Variants in MACROH2A2 observed in about 807,000 individuals in gnomAD.
The protein encoded by MACROH2A2 is core histone macro-H2A.2.
MACROH2A2 carries 6 observed loss-of-function variants against 37.6 expected under a neutral mutation model. That is an observed-to-expected ratio of 0.16 (90% CI 0.09 to 0.32). The LOEUF is 0.32. MACROH2A2 is among the 10% of genes least tolerant of loss of function. The probability of loss-of-function intolerance (pLI) is 1.00; values close to 1 mark genes in which losing one functional copy is unlikely to be tolerated. For missense variants in MACROH2A2, 290 were observed against 485.9 expected, an observed-to-expected ratio of 0.60 and a Z score of 3.79; for synonymous variants, 192 against 202.7, an observed-to-expected ratio of 0.95 and a Z score of 0.45.
intron 4 of MACROH2A2, among the ~76,000 whole-genome samples, 159 bp downstream of exon 4, chr10:70,092,113 C>T (rs565049693): frequency 3.9e-5 from 6 of 152,258 alleles, no homozygotes; most frequent in East Asian, 1.9e-4. Flanking sequence ...CGAGTCCTCA[C>T]GAATGGGAAC....
At chr10:70,098,069 C>T (rs1390179471) in intron 6 of MACROH2A2, among the ~76,000 whole-genome samples, 1 of 152,006 alleles carries the variant, frequency 6.6e-6, no homozygotes, top group South Asian at 2.1e-4. Context: ...GGCAAAACCC[C>T]ATCTCTACAA....
chr10:70,083,856 T>C (rs1017003386), intron 2 of MACROH2A2, among the ~76,000 whole-genome samples: 4 of 150,576 alleles, frequency 2.7e-5, no homozygotes, highest in African/African-American at 9.8e-5. Flanking sequence ...TCTTGATCTG[T>C]GGAATTGTGA....
chr10:70,058,445 C>CT (rs2072029847), intron 1 of MACROH2A2, among the ~76,000 whole-genome samples: 1 of 152,168 alleles, frequency 6.6e-6, no homozygotes. Flanking sequence ...TTTATTCACT[C>CT]AAAGTTACAA....
chr10:70,055,080 C>T (rs1022137341), intron 1 of MACROH2A2, among the ~76,000 whole-genome samples: 12 of 152,224 alleles, frequency 7.9e-5, no homozygotes, highest in Admixed American at 7.8e-4. Context: ...TTTTAAAGCG[C>T]CTCTGGTCTG....
chr10:70,052,897 G>A lies in MACROH2A2; in HGVS notation c.-163G>A, dbSNP rs1034104055. On this transcript the variant is annotated 5_prime_UTR_variant, in exon 1 of 9. Coordinates refer to ENST00000373255, the MANE Select transcript of MACROH2A2 (RefSeq NM_018649.3). ...CACGCACAGATAGAACCCAAAGAAA[G>A]GCAAAGAGTCCTGCCCGGCACCGGC... is the stretch of plus-strand genomic sequence containing the variant. 3 of 152,774 alleles carry A rather than the reference G, an allele frequency of 2.0e-5. No individual in the cohort carries two copies. Among genetic ancestry groups the A allele is most frequent in the African/African-American group, 7.2e-5 (3 of 41,470 alleles). 9.5% of individuals were successfully genotyped at this position (152,774 alleles called of 1,614,324 possible).
At chr10:70,089,765 A>G (rs561697522) in intron 2 of MACROH2A2, among the ~76,000 whole-genome samples, 2 of 149,976 alleles carry the variant, frequency 1.3e-5, no homozygotes, top group Admixed American at 6.7e-5. Flanking sequence ...ATTTTTTTAA[A>G]TTTTTTTTTT....
rs368550712 is a variant in MACROH2A2, at chr10:70,053,213, G to C, written c.-60+213G>C. 1.8e-4 allele frequency among the ~76,000 whole-genome samples: 28 copies of C among 152,362 alleles called. 1 individual carries two copies. In the East Asian group the frequency reaches 3.9e-3, roughly 21 times the overall value. On this transcript the variant is annotated intron_variant, in intron 1 of 8. Coordinates refer to ENST00000373255, the MANE Select transcript of MACROH2A2 (RefSeq NM_018649.3). This position sits in a 1 kb window ranked among gnomAD's most constrained non-coding sequence, Gnocchi z 4.8. ...TGCTTCCTTGGGCGATAAAGGGGGG[G>C]CTGCTAAAGAAGTGGTCAAATTCCT... is the stretch of plus-strand genomic sequence containing the variant.
rs988174207 is a variant in MACROH2A2, at chr10:70,107,174, C to T, written c.779-1859C>T. On this transcript the variant is annotated intron_variant, in intron 7 of 8. Transcript: ENST00000373255. The surrounding 1 kb of genome is among the most constrained non-coding windows in gnomAD (Gnocchi z 4.4). ...ACTCAGGCGTTCACGTGTGATGACA[C>T]TGAGCCCCGTCTAGGCACTGGAAGG... Among the ~76,000 whole-genome samples the T allele has an allele frequency of 6.6e-6, 1 of 152,208 alleles. No individual in the cohort carries two copies. The highest frequency in any genetic ancestry group is 2.4e-5 in the African/African-American group (1 of 41,446).
At chr10:70,100,796 TAGTAG>T (rs2072302605) in intron 7 of MACROH2A2, among the ~76,000 whole-genome samples, 1 of 152,114 alleles carries the variant, frequency 6.6e-6, no homozygotes, top group Non-Finnish European at 1.5e-5. Context: ...TTTGTATTTT[TAGTAG>T]AGATGGGGTT....
At chr10:70,098,316 GAGAA>G (rs1399185253) in intron 6 of MACROH2A2, 3 of 121,146 alleles carry the variant, frequency 2.5e-5, no homozygotes, top group Non-Finnish European at 5.3e-5. Flanking sequence ...AAGAAAAAGA[GAGAA>G]AGAGAGAGGC....
chr10:70,107,981 GC>G lies in MACROH2A2; in HGVS notation c.779-1050del, dbSNP rs1289928922. ...CGCCTGTAATCCCAGCACTTTGGGT[GC>G]CTGAGGCAAGAGGATCACTTGAGCC... On this transcript the variant is annotated intron_variant, in intron 7 of 8. Coordinates refer to ENST00000373255, the MANE Select transcript of MACROH2A2 (RefSeq NM_018649.3). This position sits in a 1 kb window ranked among gnomAD's most constrained non-coding sequence, Gnocchi z 4.4. Among the ~76,000 whole-genome samples, 2 of 152,158 alleles carry G rather than the reference GC, an allele frequency of 1.3e-5. No individual in the cohort carries two copies. The highest frequency in any genetic ancestry group is 4.8e-5 in the African/African-American group (2 of 41,430).
Position 70,108,207 on chromosome 10 carries a change from C to CA in MACROH2A2, c.779-817dup, listed in dbSNP as rs150902738. ...TGGGCGACAGAAAAAGACTCTGTCT[C>CA]AAAAAAAAACTAAAAATAAAAAAAT... On this transcript the variant is annotated intron_variant, in intron 7 of 8. Coordinates refer to ENST00000373255, the MANE Select transcript of MACROH2A2 (RefSeq NM_018649.3). 3.7e-3 allele frequency among the ~76,000 whole-genome samples: 555 copies of CA among 149,290 alleles called. 1 individual carries two copies. The highest frequency in any genetic ancestry group is 0.013 in the African/African-American group (516 of 40,620).
At chr10:70,069,710 A>T (rs1320802561) in intron 1 of MACROH2A2, among the ~76,000 whole-genome samples, 12 of 152,014 alleles carry the variant, frequency 7.9e-5, no homozygotes, top group Non-Finnish European at 1.6e-4. Context: ...CTTAAATGTA[A>T]ACATTTAATA....
chr10:70,069,665 G>C (rs2072097864), intron 1 of MACROH2A2, among the ~76,000 whole-genome samples: 1 of 152,092 alleles, frequency 6.6e-6, no homozygotes, highest in Non-Finnish European at 1.5e-5. Flanking sequence ...GAGGGAAATT[G>C]TCTTAGAGCA....
Position 70,056,610 on chromosome 10 carries a change from G to T in MACROH2A2, c.-60+3610G>T, listed in dbSNP as rs142894867. ...AAAGGGAGAAGAGAGTTTTGGACTT[G>T]AAGGGAGGGTGTTGGGCTAGGCTTC... is the stretch of plus-strand genomic sequence containing the variant. On this transcript the variant is annotated intron_variant, in intron 1 of 8. Coordinates refer to ENST00000373255, the MANE Select transcript of MACROH2A2 (RefSeq NM_018649.3). Among the ~76,000 whole-genome samples, 277 of 152,330 alleles carry T rather than the reference G, an allele frequency of 1.8e-3. 2 individuals are homozygous for T. Among genetic ancestry groups the T allele is most frequent in the African/African-American group, 6.4e-3 (265 of 41,578 alleles).
chr10:70,094,625 A>G (rs1589838573), intron 5 of MACROH2A2, among the ~76,000 whole-genome samples: 1 of 152,246 alleles, frequency 6.6e-6, no homozygotes, highest in Admixed American at 6.5e-5. Context: ...GTCACTGATG[A>G]AAGCAGGGAA....
At chr10:70,065,565 G>C (rs947452434) in intron 1 of MACROH2A2, among the ~76,000 whole-genome samples, 1 of 152,104 alleles carries the variant, frequency 6.6e-6, no homozygotes, top group Non-Finnish European at 1.5e-5. Context: ...AAGACATGGT[G>C]CATTCATTAA....
intron 2 of MACROH2A2, among the ~76,000 whole-genome samples, chr10:70,077,221 T>C (rs980778070): frequency 1.3e-5 from 2 of 152,174 alleles, no homozygotes; most frequent in African/African-American, 2.4e-5. Flanking sequence ...AATAGCAAGA[T>C]TGTAGCCAGC....
intron 1 of MACROH2A2, among the ~76,000 whole-genome samples, chr10:70,061,871 T>C (rs2072052205): frequency 1.3e-5 from 2 of 152,228 alleles, no homozygotes; most frequent in South Asian, 4.1e-4. Context: ...AAATTGTTAA[T>C]GTGCTGTAAC....
Sources: allele counts gnomAD v4.1 joint callset (sites outside exome capture counted in the v4.1 genomes callset), GRCh38; gene constraint gnomAD v4.1.1; non-coding constraint Gnocchi (gnomAD v3.1); transcripts MANE v1.5; gene names NCBI Gene and HGNC (gene_info 2026-07-23, HGNC 2026-07-21).